ANKFN1: variants seen among roughly 807,000 people sequenced by gnomAD.
The protein encoded by ANKFN1 is ankyrin repeat and fibronectin type-III domain-containing protein 1.
ANKFN1 carries 74 observed loss-of-function variants against 108.7 expected under a neutral mutation model. The ratio of observed to expected loss-of-function variants is 0.68; its 90% CI spans 0.56 to 0.83. The LOEUF is 0.83. ANKFN1 is among the 40% of genes least tolerant of loss of function. ANKFN1 has a pLI of 0.00. For missense variants in ANKFN1, 1,505 were observed against 1,382.3 expected (o/e 1.09, Z -1.41); for synonymous variants, 547 against 516.2 (o/e 1.06, Z -0.81).
chr17:56,422,294 C>G (rs2048429046), intron 8 of ANKFN1, among the ~76,000 whole-genome samples: 1 of 152,228 alleles, frequency 6.6e-6, no homozygotes, highest in Admixed American at 6.5e-5. Context: ...TGGCCTTTTA[C>G]TTGTAAATTG....
chr17:56,224,650 C>A (rs1311063236), intron 2 of ANKFN1: 1 of 152,158 alleles, frequency 6.6e-6, no homozygotes, highest in Admixed American at 6.5e-5. Context: ...TTACAGATGA[C>A]AACCAGATGG....
chr17:56,172,356 T>C (rs1277626950), intron 1 of ANKFN1, among the ~76,000 whole-genome samples: 1 of 152,180 alleles, frequency 6.6e-6, no homozygotes, highest in Non-Finnish European at 1.5e-5. Flanking sequence ...TTTCTTATTC[T>C]GCATCCTTGA....
chr17:56,343,083 G>T (rs2046001875), intron 4 of ANKFN1, among the ~76,000 whole-genome samples: 2 of 151,842 alleles, frequency 1.3e-5, no homozygotes, highest in East Asian at 1.9e-4. Flanking sequence ...GTTCTTTGTT[G>T]GTTTAAAGTC....
intron 3 of ANKFN1, among the ~76,000 whole-genome samples, chr17:56,234,942 T>C (rs191563475): frequency 1.3e-5 from 2 of 152,338 alleles, no homozygotes; most frequent in Non-Finnish European, 2.9e-5. Flanking sequence ...CTTTCCATAA[T>C]GGTTGAATTA....
At chr17:56,220,839 GGA>G (rs1567846085) in intron 2 of ANKFN1, among the ~76,000 whole-genome samples, 1 of 79,434 alleles carries the variant, frequency 1.3e-5, no homozygotes, top group African/African-American at 9.2e-5. Flanking sequence ...AGGGAGGAAG[GGA>G]GGGAGGGAGG....
At chr17:56,238,992 A>T (rs1917376295) in intron 3 of ANKFN1, among the ~76,000 whole-genome samples, 1 of 152,128 alleles carries the variant, frequency 6.6e-6, no homozygotes, top group Non-Finnish European at 1.5e-5. Flanking sequence ...TTTTGCCAAG[A>T]TCAGAGACAA....
chr17:56,339,611 C>T (rs1327998574), intron 4 of ANKFN1, among the ~76,000 whole-genome samples: 1 of 152,056 alleles, frequency 6.6e-6, no homozygotes, highest in Admixed American at 6.6e-5. Context: ...TCCAGCTCCA[C>T]CCATGTCCCT....
intron 18 of ANKFN1, among the ~76,000 whole-genome samples, chr17:56,491,283 G>T (rs1376243203): frequency 1.3e-5 from 2 of 152,144 alleles, no homozygotes; most frequent in Non-Finnish European, 2.9e-5. Flanking sequence ...GAGTAAAAGA[G>T]GTTCTTGAAG....
intron 18 of ANKFN1, among the ~76,000 whole-genome samples, chr17:56,484,370 A>C (rs1598702818): frequency 1.3e-5 from 2 of 152,212 alleles, no homozygotes; most frequent in East Asian, 3.8e-4. Context: ...AAGAAAAAAA[A>C]AGAAAGAAAT....
At chr17:56,264,362 A>G (rs961084437) in intron 3 of ANKFN1, among the ~76,000 whole-genome samples, 1 of 152,188 alleles carries the variant, frequency 6.6e-6, no homozygotes, top group African/African-American at 2.4e-5. Flanking sequence ...CTGGGCTGAC[A>G]TGGGCATCTT....
upstream of ANKFN1, among the ~76,000 whole-genome samples, chr17:56,149,746 C>T (rs16956756): frequency 0.024 from 3,711 of 152,298 alleles, 136 homozygotes; most frequent in African/African-American, 0.084. Flanking sequence ...AAAAGAAAAA[C>T]CTGTGCTGAG....
At chr17:56,478,403 G>A (rs774658330) in intron 16 of ANKFN1, among the ~76,000 whole-genome samples, 2 of 151,956 alleles carry the variant, frequency 1.3e-5, no homozygotes, top group Non-Finnish European at 2.9e-5. Flanking sequence ...TGATTCCCCC[G>A]ATCTTAAAAA....
chr17:56,416,002 G>A (rs772496184), intron 8 of ANKFN1, among the ~76,000 whole-genome samples: 1 of 152,024 alleles, frequency 6.6e-6, no homozygotes, highest in Non-Finnish European at 1.5e-5. Flanking sequence ...GGGGAAACTG[G>A]GTATTTATAT....
At chr17:56,346,693 T>C (rs1312446929) in intron 4 of ANKFN1, among the ~76,000 whole-genome samples, 1 of 151,950 alleles carries the variant, frequency 6.6e-6, no homozygotes, top group Non-Finnish European at 1.5e-5. Context: ...AGAAAGGGAC[T>C]TTTGGAAGTC....
At chr17:56,156,596 C>T (rs549982216) in intron 1 of ANKFN1, 1 of 152,342 alleles carries the variant, frequency 6.6e-6, no homozygotes, top group East Asian at 1.9e-4. Flanking sequence ...ATATATTATC[C>T]TCTTTATACC....
intron 4 of ANKFN1, among the ~76,000 whole-genome samples, chr17:56,087,221 A>C (rs1487174359): frequency 7.3e-5 from 11 of 151,288 alleles, no homozygotes; most frequent in Admixed American, 7.2e-4. Context: ...ATGGGGAACA[A>C]GGCAATGGCT....
At chr17:56,464,753 C>A (rs1199177343) in intron 14 of ANKFN1, among the ~76,000 whole-genome samples, 1 of 152,156 alleles carries the variant, frequency 6.6e-6, no homozygotes, top group Non-Finnish European at 1.5e-5. Flanking sequence ...ATCCCTCAAA[C>A]ATTCACTGAG....
intron 3 of ANKFN1, among the ~76,000 whole-genome samples, chr17:56,303,851 A>ATTTTTTT (rs34077118): frequency 0.01 from 1,382 of 131,868 alleles, 31 homozygotes; most frequent in African/African-American, 0.038. Context: ...CGCTGAGCCA[A>ATTTTTTT]TTTTTTTTTT....
intron 4 of ANKFN1, among the ~76,000 whole-genome samples, chr17:56,050,939 CAA>C (rs1311029239): frequency 1.7e-4 from 24 of 142,168 alleles, no homozygotes; most frequent in Non-Finnish European, 3.7e-4. Context: ...GTTTACCAAC[CAA>C]AAAGAGTCCA....
Sources: gnomAD v4.1 joint callset for allele counts (sites outside exome capture counted in the v4.1 genomes callset) on GRCh38, gnomAD v4.1.1 for gene constraint, MANE v1.5 for transcripts, NCBI Gene and HGNC (gene_info 2026-07-23, HGNC 2026-07-21) for gene names.